Variants in MBD5 observed in about 807,000 individuals in gnomAD.
MBD5 encodes methyl-CpG binding domain protein 5.
In MBD5, 13 loss-of-function variants were observed where a neutral mutation model predicts 117.3. That is an observed-to-expected ratio of 0.11 (90% CI 0.07 to 0.18). The LOEUF is 0.18. MBD5 is among the 10% of genes least tolerant of loss of function. The pLI, the probability that MBD5 is intolerant of heterozygous loss-of-function variation, is 1.00. For synonymous variants in MBD5, 727 were observed against 766.4 expected, an observed-to-expected ratio of 0.95 and a Z score of 0.85; for missense variants, 1,879 against 2,093.8, an observed-to-expected ratio of 0.90 and a Z score of 2.00.
rs772364272 is a variant in MBD5, at chr2:148,458,840, C to T, written c.82C>T (p.Arg28Cys). 19 of 1,613,494 alleles carry T rather than the reference C, an allele frequency of 1.2e-5. No homozygotes were observed. The highest frequency in any genetic ancestry group is 4.5e-5 in the East Asian group (2 of 44,854). Residue 28 changes from arginine to cysteine, a missense_variant, in exon 5 of 14, where the codon CGT (arginine) becomes TGT (cysteine). Coordinates refer to ENST00000642680, the MANE Select transcript of MBD5 (RefSeq NM_001378120.1). ...ACAAGTTCCTGTGGGTTGGCAGCGTCGTGTGGATCAAAATGGAGTGCTTTA... is the reference window on the plus strand; with the variant it reads ...ACAAGTTCCTGTGGGTTGGCAGCGTTGTGTGGATCAAAATGGAGTGCTTTA... Reference protein sequence around the residue: ...AIQVPVGWQRRVDQNGVLYVS... With the variant: ...AIQVPVGWQRCVDQNGVLYVS...
rs575075835 is a variant in MBD5, at chr2:148,247,788, G to A, written c.-680+14393G>A. Among the ~76,000 whole-genome samples the A allele has an allele frequency of 1.1e-3, 169 of 152,084 alleles. 1 individual carries two copies. The highest frequency in any genetic ancestry group is 1.9e-3 in the Non-Finnish European group (126 of 67,966). On this transcript the variant is annotated intron_variant, in intron 3 of 13. Coordinates refer to ENST00000642680, the MANE Select transcript of MBD5 (RefSeq NM_001378120.1). ...TATTTTTGAAACCAGAAAGAAAAAG[G>A]ATTAAAGATATTCTAAAAGAAATAA...
At chr2:148,067,778 C>T (rs1203241963) in intron 1 of MBD5, among the ~76,000 whole-genome samples, 1 of 152,184 alleles carries the variant, frequency 6.6e-6, no homozygotes, top group Non-Finnish European at 1.5e-5. Flanking sequence ...ATTCTTACCT[C>T]AACTCTTAAC....
At chr2:148,236,625 T>C (rs145823079) in intron 3 of MBD5, among the ~76,000 whole-genome samples, 210 of 152,332 alleles carry the variant, frequency 1.4e-3, no homozygotes, top group African/African-American at 4.4e-3. Context: ...CTAGGCTTTG[T>C]TGTTTCATTT....
At position 148,024,815 on chromosome 2, in the gene MBD5, A is replaced by G. The variant is rs1693852657; in HGVS notation, c.-925+3131A>G. ...GATCCAACACATTCCAGTTAAAAAT[A>G]TACTTGTAAAAATTGTTCAGGATGC... On this transcript the variant is annotated intron_variant, in intron 1 of 13. Transcript: ENST00000642680. Among the ~76,000 whole-genome samples the G allele has an allele frequency of 2.0e-5, 3 of 152,232 alleles. No homozygotes were observed. In the South Asian group the frequency reaches 6.2e-4, roughly 32 times the overall value.
chr2:148,514,431 G>A lies in MBD5; in HGVS notation c.*1490G>A, dbSNP rs1240528604. 2 of 152,194 alleles carry A rather than the reference G, an allele frequency of 1.3e-5. No homozygotes were observed. The highest frequency in any genetic ancestry group is 2.9e-5 in the Non-Finnish European group (2 of 68,036). The allele number at this position is 152,194 out of a possible 1,614,324, so 9.4% of individuals were successfully genotyped here. ...CAGTTAAGCAAAGTTTAGGCTTCCA[G>A]CCTGACTTCAGTTGATGGATTGTCA... On this transcript the variant is annotated 3_prime_UTR_variant, in exon 14 of 14. Transcript: ENST00000642680.
intron 1 of MBD5, among the ~76,000 whole-genome samples, chr2:148,053,698 G>A (rs897314518): frequency 6.6e-6 from 1 of 152,034 alleles, no homozygotes; most frequent in South Asian, 2.1e-4. Context: ...TCATACATAT[G>A]TTGGTGTTGG....
intron 3 of MBD5, among the ~76,000 whole-genome samples, chr2:148,324,213 G>T (rs1702377637): frequency 6.6e-6 from 1 of 151,826 alleles, no homozygotes; most frequent in Non-Finnish European, 1.5e-5. Flanking sequence ...TCTCTGTTTT[G>T]GTACCAGTAC....
chr2:148,486,431 G>C (rs1681342735), intron 10 of MBD5, among the ~76,000 whole-genome samples: 1 of 152,110 alleles, frequency 6.6e-6, no homozygotes, highest in South Asian at 2.1e-4. Flanking sequence ...AAATAATCTT[G>C]GGGTAGAGAA....
At chr2:148,476,507 A>G (rs1432080504) in intron 8 of MBD5, among the ~76,000 whole-genome samples, 1 of 152,164 alleles carries the variant, frequency 6.6e-6, no homozygotes, top group African/African-American at 2.4e-5. Context: ...CACTCACAAA[A>G]CAGATCATGA....
chr2:148,495,627 G>A (rs1195300963), intron 11 of MBD5, among the ~76,000 whole-genome samples: 1 of 152,102 alleles, frequency 6.6e-6, no homozygotes, highest in African/African-American at 2.4e-5. Flanking sequence ...CCAAAAAAAG[G>A]TCTACATCTC....
intron 2 of MBD5, among the ~76,000 whole-genome samples, chr2:148,195,779 A>T (rs551626049): frequency 6.6e-6 from 1 of 152,324 alleles, no homozygotes; most frequent in Admixed American, 6.5e-5. Flanking sequence ...ATTAAACAGC[A>T]CACTTCTAAA....
chr2:148,468,695 C>T lies in MBD5; in HGVS notation c.752C>T (p.Thr251Ile). The change falls in exon 8 of 14, where the codon ACA becomes ATA. Residue 251 changes from threonine to isoleucine, a missense_variant. By Grantham distance (89) the Thr-to-Ile change is moderately conservative (BLOSUM62 -1). Around this residue, in one of 4 missense-constraint regions of MBD5, gnomAD observed 1,666 missense variants for 1,792.2 expected, o/e 0.93. Coordinates refer to ENST00000642680, the MANE Select transcript of MBD5 (RefSeq NM_001378120.1). Reference protein sequence around the residue: ...TDPLGSPDVFTRSNPGFHGAP... With the variant: ...TDPLGSPDVFIRSNPGFHGAP... The stretch of plus-strand genomic sequence containing the variant: ...CCACTTGGAAGTCCTGATGTTTTCA[C>T]AAGAAGTAATCCTGGTTTTCATGGA... The T allele has an allele frequency of 6.2e-7, 1 of 1,613,914 alleles. No individual in the cohort carries two copies. Among genetic ancestry groups the T allele is most frequent in the Non-Finnish European group, 8.5e-7 (1 of 1,179,884 alleles).
At chr2:148,025,753 A>G (rs1316201536) in intron 1 of MBD5, 1 of 152,170 alleles carries the variant, frequency 6.6e-6, no homozygotes, top group Non-Finnish European at 1.5e-5. Context: ...ATTAGTGTGC[A>G]CTATTTAGGA....
intron 4 of MBD5, among the ~76,000 whole-genome samples, chr2:148,371,156 A>G (rs534817307): frequency 4.6e-5 from 7 of 152,168 alleles, no homozygotes; most frequent in Non-Finnish European, 1.0e-4. Flanking sequence ...TTAAAATTCC[A>G]TCAAGAATTT....
chr2:148,041,416 T>G (rs910212740), intron 1 of MBD5: 5 of 152,168 alleles, frequency 3.3e-5, no homozygotes, highest in African/African-American at 1.2e-4. Context: ...GAAAGGGGAC[T>G]TCTGACTGGT....
chr2:148,150,737 C>CT (rs1352128204), intron 1 of MBD5, among the ~76,000 whole-genome samples: 2 of 152,052 alleles, frequency 1.3e-5, no homozygotes, highest in African/African-American at 4.8e-5. Flanking sequence ...ATTTGGCTCT[C>CT]TGTTTGTCTG....
At chr2:148,168,671 A>G (rs557042260) in intron 1 of MBD5, among the ~76,000 whole-genome samples, 151 of 152,224 alleles carry the variant, frequency 9.9e-4, no homozygotes, top group South Asian at 7.9e-3. Context: ...TGAGCCCAAG[A>G]GGTCAAGGCT....
chr2:148,385,599 C>G lies in MBD5; in HGVS notation c.-557+43263C>G, dbSNP rs549234644. Among the ~76,000 whole-genome samples, 1,263 of 152,160 alleles carry G rather than the reference C, an allele frequency of 8.3e-3. 23 individuals carry two copies. Among genetic ancestry groups the G allele is most frequent in the African/African-American group, 0.029 (1,216 of 41,500 alleles). ...TAGAAATACCATTTGACCCAGCCAT[C>G]CCATTACTGGGTATATACCCAGAGG... On this transcript the variant is annotated intron_variant, in intron 4 of 13. Coordinates refer to ENST00000642680, the MANE Select transcript of MBD5 (RefSeq NM_001378120.1).
chr2:148,121,669 C>A (rs929157061), intron 1 of MBD5, among the ~76,000 whole-genome samples: 1 of 152,000 alleles, frequency 6.6e-6, no homozygotes, highest in Admixed American at 6.6e-5. Flanking sequence ...GAGACATCGT[C>A]CTGGTTTTGA....
Sources: gnomAD v4.1 joint callset for allele counts (sites outside exome capture counted in the v4.1 genomes callset) on GRCh38, gnomAD v4.1.1 for gene constraint, gnomAD v4.1.1 regional missense constraint, MANE v1.5 for transcripts, NCBI Gene and HGNC (gene_info 2026-07-23, HGNC 2026-07-21) for gene names.